Variants in ERC1 observed in about 807,000 individuals in gnomAD.
ERC1 encodes the protein ELKS/RAB6-interacting/CAST family member 1.
A neutral mutation model predicts 132.0 loss-of-function variants in ERC1; 56 were observed. That is an observed-to-expected ratio of 0.42 (90% confidence interval 0.34 to 0.53). ERC1 has a LOEUF of 0.53. Ranked by LOEUF, ERC1 falls within the 20% of genes least tolerant of loss-of-function variation. The pLI, the probability that ERC1 is intolerant of heterozygous loss-of-function variation, is 0.03. For synonymous variants in ERC1, 478 were observed against 476.1 expected (o/e 1.00, Z -0.05); for missense variants, 1,202 against 1,349.9 (o/e 0.89, Z 1.72).
At chr12:1,110,025 C>T (rs536708412) in intron 4 of ERC1, among the ~76,000 whole-genome samples, 167 bp from the exon 5 acceptor site, 4 of 152,258 alleles carry the variant, frequency 2.6e-5, no homozygotes, top group South Asian at 2.1e-4. Flanking sequence ...AGAGCCTGGG[C>T]GACAGACTCT....
At chr12:1,267,904 T>C (rs1253836076) in intron 14 of ERC1, among the ~76,000 whole-genome samples, 1 of 152,238 alleles carries the variant, frequency 6.6e-6, no homozygotes, top group Non-Finnish European at 1.5e-5. Context: ...TTATAAAGTA[T>C]AAATTCTTGA....
chr12:1,225,041 T>G (rs1375546430), intron 12 of ERC1, among the ~76,000 whole-genome samples: 2 of 151,948 alleles, frequency 1.3e-5, no homozygotes, highest in African/African-American at 4.8e-5. Context: ...GAAAAAAACA[T>G]GCTTAATTTG....
chr12:1,060,601 GC>G (rs1211461548), intron 2 of ERC1, among the ~76,000 whole-genome samples: 9 of 152,118 alleles, frequency 5.9e-5, no homozygotes, highest in Non-Finnish European at 1.2e-4. Flanking sequence ...AGAAGCAAAA[GC>G]GGAAACCCCT....
At chr12:1,257,807 T>A (rs149117290) in intron 13 of ERC1, among the ~76,000 whole-genome samples, 1 of 152,222 alleles carries the variant, frequency 6.6e-6, no homozygotes, top group Non-Finnish European at 1.5e-5. Context: ...TTTCTAATAG[T>A]CTCATTAAAA....
chr12:1,406,080 G>A (rs570581253), intron 16 of ERC1, among the ~76,000 whole-genome samples: 10 of 152,052 alleles, frequency 6.6e-5, no homozygotes, highest in South Asian at 2.1e-4. Context: ...TCAGTTTTAC[G>A]CCAGACACCT....
chr12:1,009,258 T>C (rs1488543213), intron 1 of ERC1, among the ~76,000 whole-genome samples: 1 of 151,624 alleles, frequency 6.6e-6, no homozygotes, highest in Non-Finnish European at 1.5e-5. Flanking sequence ...CACTGCAAGC[T>C]CCGCCTCCCG....
chr12:1,463,762 G>A (rs1337443023), intron 18 of ERC1, among the ~76,000 whole-genome samples: 1 of 141,104 alleles, frequency 7.1e-6, no homozygotes, highest in Admixed American at 7.1e-5. Context: ...ACACTATTGA[G>A]TAGTTTTCTC....
intron 7 of ERC1, among the ~76,000 whole-genome samples, chr12:1,137,821 C>T (rs968039702): frequency 9.3e-5 from 14 of 150,254 alleles, no homozygotes; most frequent in African/African-American, 3.4e-4. Context: ...CCACTGCACT[C>T]CAGCCTGGGC....
At position 1,449,309 on chromosome 12, in the gene ERC1, G is replaced by A. The variant is rs557210480; in HGVS notation, c.3213+4559G>A. On this transcript the variant is annotated intron_variant, in intron 18 of 18. Transcript: ENST00000360905. ...AAGGCATGATTGTGTTTTGAAATGT[G>A]AGGACATGAGATTTGGGAGGGGCCG... 3.9e-5 allele frequency among the ~76,000 whole-genome samples: 6 copies of A among 152,290 alleles called. No individual in the cohort carries two copies. The South Asian group carries it at 1.2e-3, about 32-fold the overall frequency.
At chr12:1,054,269 G>A (rs1222507179) in intron 2 of ERC1, among the ~76,000 whole-genome samples, 2 of 152,082 alleles carry the variant, frequency 1.3e-5, no homozygotes, top group African/African-American at 4.8e-5. Flanking sequence ...TTTCTTCTTC[G>A]TAGAGGGCCA....
intron 1 of ERC1, among the ~76,000 whole-genome samples, chr12:1,027,056 A>G (rs1367863987): frequency 6.6e-6 from 1 of 152,168 alleles, no homozygotes; most frequent in Admixed American, 6.5e-5. Flanking sequence ...GTGTTCTTTC[A>G]TGTCTTTCAG....
At chr12:1,369,633 A>C (rs1359849043) in intron 15 of ERC1, among the ~76,000 whole-genome samples, 1 of 152,222 alleles carries the variant, frequency 6.6e-6, no homozygotes, top group African/African-American at 2.4e-5. Flanking sequence ...AGGAAACTGC[A>C]TAGTTAGACC....
intron 2 of ERC1, among the ~76,000 whole-genome samples, chr12:1,081,271 T>C (rs949334457): frequency 7.9e-5 from 12 of 152,156 alleles, no homozygotes; most frequent in Non-Finnish European, 1.6e-4. Context: ...TCTTTAGGGA[T>C]AGAAGCTAAA....
chr12:1,041,796 TTTG>T (rs1167172767), intron 2 of ERC1, among the ~76,000 whole-genome samples: 1 of 152,182 alleles, frequency 6.6e-6, no homozygotes, highest in African/African-American at 2.4e-5. Flanking sequence ...ACTTTGTTGA[TTTG>T]TTGTTGATAG....
At position 1,162,156 on chromosome 12, in the gene ERC1, C is replaced by T. The variant is rs1228237182; in HGVS notation, c.1738-18384C>T. Among the ~76,000 whole-genome samples, 3 of 152,156 alleles carry T rather than the reference C, an allele frequency of 2.0e-5. No homozygotes were observed. The East Asian group carries it at 5.8e-4, about 29-fold the overall frequency. ...CCAGTGCTTAGAGAATGAAACGAGA[C>T]AATAGCAGATGGCCAAGCGTGCTGT... On this transcript the variant is annotated intron_variant, in intron 8 of 18. Transcript: ENST00000360905.
At chr12:1,041,157 G>A (rs1185154031) in intron 2 of ERC1, among the ~76,000 whole-genome samples, 1 of 150,692 alleles carries the variant, frequency 6.6e-6, no homozygotes, top group Non-Finnish European at 1.5e-5. Flanking sequence ...CCTAATAAAT[G>A]TTATCATAAG....
chr12:1,456,940 T>C (rs2093550415), intron 18 of ERC1, among the ~76,000 whole-genome samples: 1 of 152,188 alleles, frequency 6.6e-6, no homozygotes, highest in Non-Finnish European at 1.5e-5. Flanking sequence ...GCAGGCATTG[T>C]CAGAGATTTA....
chr12:1,438,987 C>T (rs1390419495), intron 17 of ERC1, among the ~76,000 whole-genome samples: 1 of 149,018 alleles, frequency 6.7e-6, no homozygotes, highest in Non-Finnish European at 1.5e-5. Flanking sequence ...TGACATCTTT[C>T]AACGGACAAA....
chr12:1,468,486 C>T lies in ERC1; in HGVS notation c.3214-21607C>T, dbSNP rs181426469. On this transcript the variant is annotated intron_variant, in intron 18 of 18. Transcript: ENST00000360905. The stretch of plus-strand genomic sequence containing the variant: ...GCATTGTGTTGCACACCTGTAGTCC[C>T]AGCTACTTGGAAGGCTGAGGCAGGA... Among the ~76,000 whole-genome samples the T allele has an allele frequency of 3.2e-4, 49 of 152,282 alleles. No homozygotes were observed. The East Asian group carries it at 7.3e-3, about 23-fold the overall frequency.
Sources: allele counts gnomAD v4.1 joint callset (sites outside exome capture counted in the v4.1 genomes callset), GRCh38; gene constraint gnomAD v4.1.1; transcripts MANE v1.5; gene names NCBI Gene and HGNC (gene_info 2026-07-23, HGNC 2026-07-21).